NMNAT2: variants seen among roughly 807,000 people sequenced by gnomAD.
NMNAT2 encodes nicotinamide/nicotinic acid mononucleotide adenylyltransferase 2.
NMNAT2 carries 11 observed loss-of-function variants against 41.6 expected under a neutral mutation model. That is an observed-to-expected ratio of 0.26 (90% CI 0.17 to 0.44). The LOEUF (loss-of-function observed/expected upper bound fraction) is 0.44, where lower values mean the gene tolerates loss of function less well. Among genes scored for constraint, NMNAT2 ranks in the 20% least tolerant of loss-of-function variants. NMNAT2 has a pLI of 1.00. For missense variants in NMNAT2, 288 were observed against 407.7 expected, an observed-to-expected ratio of 0.71 and a Z score of 2.53; for synonymous variants, 148 against 151.2, an observed-to-expected ratio of 0.98 and a Z score of 0.16.
intron 1 of NMNAT2, 44 bp downstream of exon 1, chr1:183,418,139 G>C (rs904956955): frequency 6.4e-7 from 1 of 1,554,574 alleles, no homozygotes; most frequent in Admixed American, 1.7e-5. Context: ...CCTGGGAAAG[G>C]AGAGGAGCGG....
chr1:183,300,740 T>G (rs1225041897), intron 1 of NMNAT2, among the ~76,000 whole-genome samples: 1 of 152,184 alleles, frequency 6.6e-6, no homozygotes, highest in Non-Finnish European at 1.5e-5. Context: ...AATTTTAAGG[T>G]GGTGGTGTGC....
intron 10 of NMNAT2, among the ~76,000 whole-genome samples, chr1:183,258,116 T>C (rs1660565687): frequency 6.6e-6 from 1 of 152,196 alleles, no homozygotes; most frequent in African/African-American, 2.4e-5. Flanking sequence ...CAGGAGCCCA[T>C]GGAGGAGAGG....
Position 183,261,241 on chromosome 1 carries a change from G to T in NMNAT2, c.714C>A (p.Asp238Glu). Residue 238 changes from aspartate (D) to glutamate (E), a missense_variant, in exon 9 of 11, where the codon GAC (aspartate) becomes GAA (glutamate). Asp to Glu is a conservative substitution (Grantham distance 45). Transcript: ENST00000287713. ...VVVPRDAADT[D>E]RIMNHSSILR... is the part of the protein sequence containing the mutation. ...GTATTGAGGAGTGATTCATGATTCGGTCTGTGTCGGCTGCATCCCGGGGCA... is the reference window on the plus strand; with the variant it reads ...GTATTGAGGAGTGATTCATGATTCGTTCTGTGTCGGCTGCATCCCGGGGCA... 1 of 1,614,140 alleles carries T rather than the reference G, an allele frequency of 6.2e-7. No homozygotes were observed. The highest frequency in any genetic ancestry group is 1.1e-5 in the South Asian group (1 of 91,074).
At chr1:183,308,684 T>A (rs1271666944) in intron 1 of NMNAT2, among the ~76,000 whole-genome samples, 3 of 152,012 alleles carry the variant, frequency 2.0e-5, no homozygotes, top group Non-Finnish European at 4.4e-5. Flanking sequence ...GGAAAAAAAA[T>A]CAAATCACAG....
chr1:183,280,245 G>C (rs1207142306), intron 7 of NMNAT2, among the ~76,000 whole-genome samples: 1 of 152,184 alleles, frequency 6.6e-6, no homozygotes, highest in African/African-American at 2.4e-5. Flanking sequence ...TTCTAGGTCA[G>C]TTCTCTGTTG....
intron 1 of NMNAT2, among the ~76,000 whole-genome samples, chr1:183,332,982 T>A (rs1662615818): frequency 6.6e-6 from 1 of 152,196 alleles, no homozygotes; most frequent in Non-Finnish European, 1.5e-5. Flanking sequence ...AGGATGGCCT[T>A]ATGGCTGGAC....
rs187193981 is a variant in NMNAT2, at chr1:183,362,042, G to A, written c.85+56141C>T. ...AACCTCTGACCCCTAAGGTTCAAGC[G>A]ATTCTCCTGCCTCAGCCTCCTGAGT... is the stretch of plus-strand genomic sequence containing the variant. On this transcript the variant is annotated intron_variant, in intron 1 of 10. Transcript: ENST00000287713. 4.0e-4 allele frequency among the ~76,000 whole-genome samples: 61 copies of A among 152,240 alleles called. 2 individuals carry two copies. In the East Asian group the frequency reaches 0.011, roughly 27 times the overall value.
chr1:183,267,434 C>A (rs1250836270), intron 8 of NMNAT2: 1 of 152,224 alleles, frequency 6.6e-6, no homozygotes, highest in African/African-American at 2.4e-5. Context: ...CTCCCTAATC[C>A]TTCTGATGTG....
chr1:183,282,875 T>C (rs941379010), intron 7 of NMNAT2: 9 of 152,252 alleles, frequency 5.9e-5, no homozygotes, highest in Non-Finnish European at 1.3e-4. Context: ...GTTTTGAGTA[T>C]TCATTCCTTT....
intron 1 of NMNAT2, among the ~76,000 whole-genome samples, chr1:183,385,409 A>G (rs1295653685): frequency 6.6e-6 from 1 of 152,162 alleles, no homozygotes; most frequent in Non-Finnish European, 1.5e-5. Flanking sequence ...AAATACACCT[A>G]TACACCTAAA....
intron 1 of NMNAT2, among the ~76,000 whole-genome samples, chr1:183,340,244 T>G (rs1049871549): frequency 6.6e-6 from 1 of 151,670 alleles, no homozygotes; most frequent in African/African-American, 2.4e-5. Flanking sequence ...CATCCTCAAA[T>G]AGATACAGCT....
At chr1:183,348,132 A>T (rs919673827) in intron 1 of NMNAT2, among the ~76,000 whole-genome samples, 4 of 152,122 alleles carry the variant, frequency 2.6e-5, no homozygotes, top group Non-Finnish European at 5.9e-5. Context: ...CATGGGTGAT[A>T]CGTTGAGATA....
chr1:183,394,319 T>G (rs1207458096), intron 1 of NMNAT2, among the ~76,000 whole-genome samples: 1 of 152,162 alleles, frequency 6.6e-6, no homozygotes, highest in Non-Finnish European at 1.5e-5. Context: ...CAGAAGATAG[T>G]GCTAAGACAA....
At chr1:183,274,697 G>A (rs559203176) in intron 8 of NMNAT2, among the ~76,000 whole-genome samples, 4 of 151,522 alleles carry the variant, frequency 2.6e-5, no homozygotes, top group East Asian at 4.0e-4. Flanking sequence ...TTTGGGAGGC[G>A]GAGGTGGGAG....
At chr1:183,335,980 A>G (rs1662672199) in intron 1 of NMNAT2, among the ~76,000 whole-genome samples, 1 of 152,240 alleles carries the variant, frequency 6.6e-6, no homozygotes. Context: ...CAACAAGGGT[A>G]TCTGAACTCT....
chr1:183,271,279 C>A (rs1282249674), intron 8 of NMNAT2, among the ~76,000 whole-genome samples: 1 of 152,112 alleles, frequency 6.6e-6, no homozygotes, highest in Non-Finnish European at 1.5e-5. Flanking sequence ...CAAATAAATA[C>A]CAGGATCCAC....
At chr1:183,303,483 G>C (rs1377680983) in intron 1 of NMNAT2, among the ~76,000 whole-genome samples, 1 of 152,184 alleles carries the variant, frequency 6.6e-6, no homozygotes, top group South Asian at 2.1e-4. Flanking sequence ...AGTTTTGCCC[G>C]AGATCACAGA....
Position 183,418,369 on chromosome 1 carries a change from G to A in NMNAT2, c.-102C>T. ...GGAAGGCGAGGCTCCGGCGGTGGAT[G>A]CTGTGGACTCCAAGGAGCCGCTCCA... On this transcript the variant is annotated 5_prime_UTR_variant, in exon 1 of 11. Coordinates refer to ENST00000287713, the MANE Select transcript of NMNAT2 (RefSeq NM_015039.4). 8.7e-7 allele frequency: 1 copy of A among 1,144,738 alleles called. No individual in the cohort carries two copies. The highest frequency in any genetic ancestry group is 1.3e-6 in the Non-Finnish European group (1 of 763,612). The allele number at this position is 1,144,738 out of a possible 1,614,324, so 70.9% of individuals were successfully genotyped here. A position where few individuals can be genotyped will look rare whatever the true frequency, so the allele number is the denominator to read the frequency against.
chr1:183,380,535 A>AGCATTATCATAGAGAC (rs1374719903), intron 1 of NMNAT2, among the ~76,000 whole-genome samples: 4 of 152,224 alleles, frequency 2.6e-5, no homozygotes, highest in African/African-American at 9.6e-5. Context: ...GTCTGTGCTA[A>AGCATTATCATAGAGAC]GCATTATCAT....
Sources: allele counts gnomAD v4.1 joint callset (sites outside exome capture counted in the v4.1 genomes callset), GRCh38; gene constraint gnomAD v4.1.1; transcripts MANE v1.5; gene names NCBI Gene and HGNC (gene_info 2026-07-23, HGNC 2026-07-21).